MCPH1: variants seen among roughly 807,000 people sequenced by gnomAD.
The protein encoded by MCPH1 is microcephalin.
In MCPH1, 104 loss-of-function variants were observed where a neutral mutation model predicts 84.5. That is an observed-to-expected ratio of 1.23 (90% CI 1.05 to 1.45). The LOEUF is 1.45. Among genes scored for constraint, MCPH1 ranks in the 40% most tolerant of loss-of-function variants. MCPH1 has a pLI of 0.00. For missense variants in MCPH1, 1,498 were observed against 1,005.7 expected (o/e 1.49, Z -6.62); for synonymous variants, 514 against 366.8 (o/e 1.40, Z -4.58).
At chr8:6,427,192 G>A (rs1316984289) in intron 3 of MCPH1, among the ~76,000 whole-genome samples, 1 of 152,178 alleles carries the variant, frequency 6.6e-6, no homozygotes, top group Non-Finnish European at 1.5e-5. Context: ...CACCTACATA[G>A]GGCGTTTACT....
chr8:6,445,665 C>G (rs1457186191), intron 8 of MCPH1, 118 bp downstream of exon 8: 5 of 1,456,190 alleles, frequency 3.4e-6, no homozygotes, highest in Non-Finnish European at 4.5e-6. Flanking sequence ...CCTCTTTTTA[C>G]TTAAAGAATG....
intron 8 of MCPH1, among the ~76,000 whole-genome samples, chr8:6,453,607 C>G (rs1164228796): frequency 6.6e-6 from 1 of 152,160 alleles, no homozygotes; most frequent in African/African-American, 2.4e-5. Flanking sequence ...AATTATATCT[C>G]TAGTCCACTG....
intron 12 of MCPH1, among the ~76,000 whole-genome samples, chr8:6,575,682 G>C (rs1827017424): frequency 6.6e-6 from 1 of 152,220 alleles, no homozygotes. Flanking sequence ...GGCCATTGCA[G>C]TTGTAATCAG....
At chr8:6,521,394 C>T in intron 12 of MCPH1, 1 of 1,609,930 alleles carries the variant, frequency 6.2e-7, no homozygotes, top group Non-Finnish European at 8.5e-7. Flanking sequence ...ATAGCTAGCA[C>T]CTTCTTTTCT....
chr8:6,592,465 A>C (rs1159522765), intron 12 of MCPH1, among the ~76,000 whole-genome samples: 7 of 152,040 alleles, frequency 4.6e-5, no homozygotes, highest in Non-Finnish European at 7.4e-5. Context: ...AAATCTTGTA[A>C]CTATTATATA....
At chr8:6,624,874 CT>C (rs34427383) in intron 13 of MCPH1, 65,394 of 825,550 alleles carry the variant, frequency 0.079, 200 homozygotes, top group African/African-American at 0.12. Context: ...AAATCATATA[CT>C]TTTTTTTTTT....
At chr8:6,485,422 G>T (rs1039252677) in intron 11 of MCPH1, among the ~76,000 whole-genome samples, 3 of 152,054 alleles carry the variant, frequency 2.0e-5, no homozygotes, top group African/African-American at 4.8e-5. Flanking sequence ...TTCAGAACTA[G>T]GTTTCCTTCT....
intron 13 of MCPH1, among the ~76,000 whole-genome samples, chr8:6,640,686 T>A (rs1416739321): frequency 6.6e-6 from 1 of 152,234 alleles, no homozygotes; most frequent in African/African-American, 2.4e-5. Context: ...TATTATTTTT[T>A]ACAAAATTAA....
intron 12 of MCPH1, among the ~76,000 whole-genome samples, chr8:6,522,026 G>A (rs374468091): frequency 6.6e-6 from 1 of 152,286 alleles, no homozygotes; most frequent in Non-Finnish European, 1.5e-5. Flanking sequence ...TATCACCTAG[G>A]TCATGGGGTT....
At chr8:6,449,186 T>C (rs1210004730) in intron 8 of MCPH1, among the ~76,000 whole-genome samples, 1 of 152,248 alleles carries the variant, frequency 6.6e-6, no homozygotes, top group Non-Finnish European at 1.5e-5. Flanking sequence ...TAATTTGCAT[T>C]GAGCATCTTC....
chr8:6,532,567 C>A, intron 12 of MCPH1: 1 of 871,140 alleles, frequency 1.1e-6, no homozygotes, highest in Non-Finnish European at 1.6e-6. Context: ...CGTCTCCTCC[C>A]TATCTTTAAA....
At chr8:6,609,703 G>A (rs1586787050) in intron 12 of MCPH1, among the ~76,000 whole-genome samples, 1 of 152,284 alleles carries the variant, frequency 6.6e-6, no homozygotes, top group Middle Eastern at 3.4e-3. Flanking sequence ...AATTTGAGGA[G>A]GATGTCCCGG....
chr8:6,494,742 G>T lies in MCPH1; in HGVS notation c.2137-5110G>T, dbSNP rs560211007. Among the ~76,000 whole-genome samples, 53 of 152,278 alleles carry T rather than the reference G, an allele frequency of 3.5e-4. 1 individual carries two copies. The South Asian group carries it at 0.01, about 29-fold the overall frequency. ...AATTAGAAGTTACCAGGGATGGAGG[G>T]GAGAGAGGGATGGGGAGTGATTACT... On this transcript the variant is annotated intron_variant, in intron 11 of 13. Coordinates refer to ENST00000344683, the MANE Select transcript of MCPH1 (RefSeq NM_024596.5).
chr8:6,633,357 A>T (rs1454060516), intron 13 of MCPH1, among the ~76,000 whole-genome samples: 1 of 152,252 alleles, frequency 6.6e-6, no homozygotes, highest in African/African-American at 2.4e-5. Flanking sequence ...CACTCACTGA[A>T]ATCTTTAGCA....
At chr8:6,483,286 A>T (rs1027628427) in intron 11 of MCPH1, among the ~76,000 whole-genome samples, 1 of 152,260 alleles carries the variant, frequency 6.6e-6, no homozygotes, top group East Asian at 1.9e-4. Context: ...TTCTCATTCA[A>T]AATCTCAGTG....
At chr8:6,466,053 C>A (rs1025015575) in intron 9 of MCPH1, among the ~76,000 whole-genome samples, 3 of 151,768 alleles carry the variant, frequency 2.0e-5, no homozygotes, top group Admixed American at 6.6e-5. Context: ...CTCCCCAGTT[C>A]AAGTGATTCT....
At chr8:6,428,515 T>C (rs1254553419) in intron 3 of MCPH1, among the ~76,000 whole-genome samples, 1 of 152,172 alleles carries the variant, frequency 6.6e-6, no homozygotes, top group Non-Finnish European at 1.5e-5. Context: ...CTTAGCCCTA[T>C]CCCCTATTCT....
At chr8:6,634,440 T>A (rs1797391567) in intron 13 of MCPH1, among the ~76,000 whole-genome samples, 1 of 152,214 alleles carries the variant, frequency 6.6e-6, no homozygotes, top group Admixed American at 6.5e-5. Flanking sequence ...AGATGCTGAC[T>A]ACAGCTGACG....
chr8:6,621,655 G>C lies in MCPH1; in HGVS notation c.2416G>C (p.Ala806Pro), dbSNP rs1408412383. The C allele has an allele frequency of 2.5e-6, 4 of 1,614,232 alleles. No individual in the cohort carries two copies. The highest frequency in any genetic ancestry group is 3.4e-6 in the Non-Finnish European group (4 of 1,180,050). ...CGGGCCCTACAGCGGAAAGAAGAAA[G>C]CCACAGTCAAGTATCTGTCTGAGAA... Reference protein sequence around the residue: ...VIGPYSGKKKATVKYLSEKWV... With the variant: ...VIGPYSGKKKPTVKYLSEKWV... The change falls in exon 13 of 14, where the codon GCC becomes CCC. Residue 806 changes from alanine (A) to proline (P), a missense_variant. Ala to Pro is a conservative substitution (Grantham distance 27, BLOSUM62 -1). Transcript: ENST00000344683.
Sources: gnomAD v4.1 joint callset for allele counts (sites outside exome capture counted in the v4.1 genomes callset) on GRCh38, gnomAD v4.1.1 for gene constraint, MANE v1.5 for transcripts, NCBI Gene and HGNC (gene_info 2026-07-23, HGNC 2026-07-21) for gene names.